Variants in MRE11 observed in about 807,000 individuals in gnomAD.
MRE11 encodes MRE11 double strand break repair nuclease, also known as double-strand break repair protein MRE11.
A neutral mutation model predicts 91.7 loss-of-function variants in MRE11; 62 were observed. The ratio of observed to expected loss-of-function variants is 0.68; its 90% CI spans 0.55 to 0.84. MRE11 has a LOEUF of 0.84. MRE11 is among the 40% of genes least tolerant of loss of function. The pLI is 0.00. For missense variants in MRE11, 796 were observed against 852.9 expected (o/e 0.93, Z 0.83); for synonymous variants, 273 against 271.4 (o/e 1.01, Z -0.06).
At chr11:94,481,311 A>T (rs998541441) in intron 4 of MRE11, among the ~76,000 whole-genome samples, 3 of 151,480 alleles carry the variant, frequency 2.0e-5, no homozygotes, top group Admixed American at 6.6e-5. Flanking sequence ...TCTGTCTCGA[A>T]AAAAAAAAAT....
chr11:94,504,948 GAC>G, the MRE11 span, among the ~76,000 whole-genome samples: 1 of 152,050 alleles, frequency 6.6e-6, no homozygotes, highest in African/African-American at 2.4e-5. Flanking sequence ...CGCCTATACT[GAC>G]AGTGATCTCA....
intron 16 of MRE11, among the ~76,000 whole-genome samples, chr11:94,442,209 C>T (rs1945801042): frequency 6.6e-6 from 1 of 151,956 alleles, no homozygotes; most frequent in Non-Finnish European, 1.5e-5. Context: ...ATTCATGAAG[C>T]CCAATAATTG....
At chr11:94,490,073 T>A (rs981380407) in intron 3 of MRE11, among the ~76,000 whole-genome samples, 5 of 152,232 alleles carry the variant, frequency 3.3e-5, no homozygotes, top group African/African-American at 7.2e-5. Flanking sequence ...AGCCTCTAAC[T>A]GGTCTCCAAT....
At position 94,470,947 on chromosome 11, in the gene MRE11, A is replaced by G. The variant is rs544272969; in HGVS notation, c.846-305T>C. 9.9e-5 allele frequency among the ~76,000 whole-genome samples: 15 copies of G among 152,190 alleles called. No homozygotes were observed. The South Asian group carries it at 3.1e-3, about 32-fold the overall frequency. The stretch of plus-strand genomic sequence containing the variant: ...TATGATGGTAGCATATGTAGACTAT[A>G]GTATTACATCTATATACCTATGTAT... On this transcript the variant is annotated intron_variant, in intron 8 of 19. Transcript: ENST00000323929.
intron 16 of MRE11, among the ~76,000 whole-genome samples, chr11:94,441,736 G>A (rs2134869133): frequency 6.6e-6 from 1 of 152,224 alleles, no homozygotes; most frequent in African/African-American, 2.4e-5. Flanking sequence ...CAGCACTTTG[G>A]GAGGCCGAGG....
chr11:94,481,368 ATTC>A (rs1357824177), intron 4 of MRE11, among the ~76,000 whole-genome samples: 2 of 152,144 alleles, frequency 1.3e-5, no homozygotes, highest in Non-Finnish European at 2.9e-5. Flanking sequence ...GTATGTCCAT[ATTC>A]TTTATTTATT....
Position 94,460,995 on chromosome 11 carries a change from C to G in MRE11, c.1267G>C (p.Glu423Gln), listed in dbSNP as rs757051114. The G allele has an allele frequency of 6.2e-7, 1 of 1,613,726 alleles. No individual in the cohort carries two copies. Among genetic ancestry groups the G allele is most frequent in the Non-Finnish European group, 8.5e-7 (1 of 1,179,964 alleles). The change falls in exon 12 of 20, where the codon GAA (glutamate) becomes CAA (glutamine). Residue 423 changes from glutamate to glutamine, a missense_variant. Physicochemically the swap from Glu to Gln is conservative, Grantham distance 29. Transcript: ENST00000323929. ...TCTTCTACCCTTAAAGTTGTTCCTT[C>G]TGAAGGCTTTGTGATAAGTTTCCCA... ...NFGKLITKPS[E>Q]GTTLRVEDLV...
chr11:94,451,875 G>A (rs1359643064), intron 14 of MRE11, among the ~76,000 whole-genome samples: 1 of 152,114 alleles, frequency 6.6e-6, no homozygotes, highest in Non-Finnish European at 1.5e-5. Context: ...ACACACAAAT[G>A]TGTTCAAGTG....
chr11:94,505,297 T>A, the MRE11 span, among the ~76,000 whole-genome samples: 4 of 152,164 alleles, frequency 2.6e-5, no homozygotes, highest in East Asian at 5.8e-4. Flanking sequence ...GGAGATGACA[T>A]AGGAATAACT....
At chr11:94,430,071 C>T in intron 18 of MRE11, 85 bp from the exon 19 acceptor site, 1 of 1,234,876 alleles carries the variant, frequency 8.1e-7, no homozygotes, top group Non-Finnish European at 1.2e-6. Flanking sequence ...TTCAATCCAG[C>T]AGCTGCCACG....
chr11:94,476,214 T>C, intron 7 of MRE11, 75 bp downstream of exon 7: 1 of 923,164 alleles, frequency 1.1e-6, no homozygotes, highest in Non-Finnish European at 1.8e-6. Context: ...GGCATTTCAC[T>C]AAAATAGGTA....
upstream of MRE11, chr11:94,496,884 G>T: frequency 2.5e-6 from 4 of 1,613,286 alleles, no homozygotes; most frequent in South Asian, 1.1e-5. Flanking sequence ...GAGTGGTATC[G>T]ATTGCAAGAA....
At chr11:94,496,202 T>C (rs1263089379), upstream of MRE11, among the ~76,000 whole-genome samples, 1 of 152,188 alleles carries the variant, frequency 6.6e-6, no homozygotes, top group Non-Finnish European at 1.5e-5. Flanking sequence ...ATAGTATTTT[T>C]AGGAATTAGA....
chr11:94,440,865 G>C (rs1446403339), intron 16 of MRE11, among the ~76,000 whole-genome samples: 8 of 152,116 alleles, frequency 5.3e-5, no homozygotes, highest in Admixed American at 5.2e-4. Flanking sequence ...CTCCCTAAAA[G>C]GGGAGTTCAT....
chr11:94,470,366 T>C, intron 9 of MRE11, 105 bp downstream of exon 9: 3 of 1,138,450 alleles, frequency 2.6e-6, no homozygotes, highest in Non-Finnish European at 2.6e-6. Context: ...TTCATGAGAA[T>C]GTAATCAACA....
chr11:94,420,475 C>G (rs72980407), intron 19 of MRE11, among the ~76,000 whole-genome samples: 1,679 of 152,124 alleles, frequency 0.011, 13 homozygotes, highest in Non-Finnish European at 0.015. Flanking sequence ...AAAAATAATT[C>G]AAGTCATTTT....
At chr11:94,482,835 G>A (rs1191760487) in intron 4 of MRE11, among the ~76,000 whole-genome samples, 2 of 152,108 alleles carry the variant, frequency 1.3e-5, no homozygotes, top group East Asian at 3.9e-4. Flanking sequence ...CTACTCAGGA[G>A]GCTGAGGCAG....
rs1031963886 is a variant in MRE11, at chr11:94,426,046, G to C, written c.2070+3865C>G. On this transcript the variant is annotated intron_variant, in intron 19 of 19. Coordinates refer to ENST00000323929, the MANE Select transcript of MRE11 (RefSeq NM_005591.4). Reference sequence around the variant, plus strand: ...TACAAATTCTTCCCATCTACACACAGAACATATTCTAAGATAGATCACGTG... The same window carrying C: ...TACAAATTCTTCCCATCTACACACACAACATATTCTAAGATAGATCACGTG... Among the ~76,000 whole-genome samples the C allele has an allele frequency of 4.6e-5, 7 of 152,156 alleles. No individual in the cohort carries two copies. In the East Asian group the frequency reaches 1.3e-3, roughly 29 times the overall value.
At chr11:94,463,736 A>G (rs1233479789) in intron 11 of MRE11, among the ~76,000 whole-genome samples, 1 of 143,446 alleles carries the variant, frequency 7.0e-6, no homozygotes, top group Non-Finnish European at 1.5e-5. Flanking sequence ...AACAATGAGA[A>G]CACTTGGACA....
Sources: allele counts gnomAD v4.1 joint callset (sites outside exome capture counted in the v4.1 genomes callset), GRCh38; gene constraint gnomAD v4.1.1; transcripts MANE v1.5; gene names NCBI Gene and HGNC (gene_info 2026-07-23, HGNC 2026-07-21).